Variants in CAMKMT observed in about 807,000 individuals in gnomAD.
CAMKMT encodes calmodulin-lysine N-methyltransferase, also known as CaM KMT.
A neutral mutation model predicts 48.0 loss-of-function variants in CAMKMT; 53 were observed. The ratio of observed to expected loss-of-function variants is 1.10; its 90% CI spans 0.89 to 1.39. CAMKMT has a LOEUF of 1.39. CAMKMT is among the 40% of genes most tolerant of loss of function. The pLI, the probability that CAMKMT is intolerant of heterozygous loss-of-function variation, is 0.00. For missense variants in CAMKMT, 428 were observed against 402.7 expected, an observed-to-expected ratio of 1.06 and a Z score of -0.54; for synonymous variants, 165 against 152.3, an observed-to-expected ratio of 1.08 and a Z score of -0.61.
chr2:44,465,846 A>G (rs535339124), intron 3 of CAMKMT, among the ~76,000 whole-genome samples: 70 of 152,308 alleles, frequency 4.6e-4, no homozygotes, highest in African/African-American at 1.6e-3. Flanking sequence ...ATGGAAAAAG[A>G]TACTCCATGC....
At chr2:44,445,867 G>C (rs1666966553) in intron 3 of CAMKMT, among the ~76,000 whole-genome samples, 1 of 151,774 alleles carries the variant, frequency 6.6e-6, no homozygotes, top group Admixed American at 6.6e-5. Context: ...TGCAACCAAA[G>C]TCTTGAAGTC....
chr2:44,651,392 C>T (rs1204881627), intron 3 of CAMKMT, among the ~76,000 whole-genome samples: 1 of 152,104 alleles, frequency 6.6e-6, no homozygotes, highest in Non-Finnish European at 1.5e-5. Context: ...TTTAAAGTTG[C>T]ATGTTTTTTA....
rs553701364 is a variant in CAMKMT at position 44,660,255 on chromosome 2, C to T, written c.377-44028C>T. Among the ~76,000 whole-genome samples, 12 of 152,190 alleles carry T rather than the reference C, an allele frequency of 7.9e-5. No homozygotes were observed. In the South Asian group the frequency reaches 1.7e-3, roughly 21 times the overall value. ...TTCTGCATTTAGTCTTTTGCCATAACGTATGTTATGTGGCCTCATGTGAGA... is the reference window on the plus strand; with the variant it reads ...TTCTGCATTTAGTCTTTTGCCATAATGTATGTTATGTGGCCTCATGTGAGA... On this transcript the variant is annotated intron_variant, in intron 3 of 10. Transcript: ENST00000378494.
intron 10 of CAMKMT, among the ~76,000 whole-genome samples, chr2:44,770,345 C>G (rs1681051179): frequency 6.6e-6 from 1 of 152,390 alleles, no homozygotes; most frequent in African/African-American, 2.4e-5. Context: ...CCCCTGGCCC[C>G]TTTCAGCAAC....
At chr2:44,621,976 A>G (rs1321040219) in intron 3 of CAMKMT, among the ~76,000 whole-genome samples, 3 of 152,192 alleles carry the variant, frequency 2.0e-5, no homozygotes, top group Non-Finnish European at 1.5e-5. Flanking sequence ...TTGGAGGTAA[A>G]AGGTGATGGA....
At chr2:44,381,487 A>G (rs1433158102) in intron 2 of CAMKMT, among the ~76,000 whole-genome samples, 1 of 152,240 alleles carries the variant, frequency 6.6e-6, no homozygotes, top group Non-Finnish European at 1.5e-5. Context: ...TATCTTAAGT[A>G]AACAATCAGA....
At chr2:44,446,631 C>T (rs1003092711) in intron 3 of CAMKMT, among the ~76,000 whole-genome samples, 1 of 152,224 alleles carries the variant, frequency 6.6e-6, no homozygotes, top group Non-Finnish European at 1.5e-5. Flanking sequence ...CAGGCCGCGC[C>T]ACTATGCCCA....
intron 2 of CAMKMT, among the ~76,000 whole-genome samples, chr2:44,375,467 A>G (rs564044919): frequency 1.6e-4 from 25 of 152,186 alleles, no homozygotes; most frequent in African/African-American, 5.5e-4. Flanking sequence ...TTAAATAAGG[A>G]AAGTTAACTA....
At chr2:44,414,369 C>A (rs1223913775) in intron 3 of CAMKMT, among the ~76,000 whole-genome samples, 1 of 152,180 alleles carries the variant, frequency 6.6e-6, no homozygotes, top group Non-Finnish European at 1.5e-5. Flanking sequence ...GTTAAGCTGT[C>A]AGCTGAGGTT....
chr2:44,381,252 A>G (rs1680213072), intron 2 of CAMKMT, among the ~76,000 whole-genome samples: 1 of 152,202 alleles, frequency 6.6e-6, no homozygotes. Context: ...TTTAACTTTT[A>G]AAACATGTAC....
intron 3 of CAMKMT, among the ~76,000 whole-genome samples, chr2:44,479,651 C>T (rs1187067198): frequency 6.6e-6 from 1 of 152,160 alleles, no homozygotes; most frequent in Non-Finnish European, 1.5e-5. Flanking sequence ...CCTACAGTTT[C>T]AGAGCATAAC....
intron 3 of CAMKMT, among the ~76,000 whole-genome samples, chr2:44,433,883 T>A (rs1245307686): frequency 1.3e-5 from 2 of 152,220 alleles, no homozygotes; most frequent in Non-Finnish European, 2.9e-5. Context: ...CATGCCCTTT[T>A]ACATACCAAA....
intron 3 of CAMKMT, among the ~76,000 whole-genome samples, chr2:44,690,139 G>T (rs1447691714): frequency 3.9e-5 from 6 of 152,090 alleles, no homozygotes; most frequent in South Asian, 4.2e-4. Flanking sequence ...CTTGGTAGAG[G>T]TTTAAATTTG....
chr2:44,615,524 G>C (rs144363358), intron 3 of CAMKMT, among the ~76,000 whole-genome samples: 1 of 152,246 alleles, frequency 6.6e-6, no homozygotes, highest in Non-Finnish European at 1.5e-5. Flanking sequence ...ATAATTCCCA[G>C]GTTTCTGCCT....
At chr2:44,397,695 A>G (rs1360011186) in intron 3 of CAMKMT, among the ~76,000 whole-genome samples, 11 of 151,986 alleles carry the variant, frequency 7.2e-5, no homozygotes, top group Admixed American at 7.2e-4. Context: ...GAGAAGGAAA[A>G]AGACACATTT....
chr2:44,458,211 T>A (rs1667673935), intron 3 of CAMKMT, among the ~76,000 whole-genome samples: 1 of 151,984 alleles, frequency 6.6e-6, no homozygotes, highest in Non-Finnish European at 1.5e-5. Context: ...CATGCCCGGC[T>A]AATTTTTGTA....
intron 7 of CAMKMT, 88 bp downstream of exon 7, chr2:44,715,441 A>T (rs1480523439): frequency 2.1e-6 from 2 of 940,958 alleles, no homozygotes; most frequent in South Asian, 1.5e-5. Flanking sequence ...AATAGCTAAC[A>T]TTTATTGAGC....
intron 3 of CAMKMT, among the ~76,000 whole-genome samples, chr2:44,407,640 T>A (rs945366723): frequency 6.6e-6 from 1 of 152,218 alleles, no homozygotes; most frequent in African/African-American, 2.4e-5. Flanking sequence ...TTTGGTACTA[T>A]ACAGATGTTT....
chr2:44,700,615 A>G (rs1301476145), intron 3 of CAMKMT, among the ~76,000 whole-genome samples: 1 of 152,206 alleles, frequency 6.6e-6, no homozygotes, highest in African/African-American at 2.4e-5. Context: ...CACACACAAG[A>G]TTTATTGATT....
Sources: allele counts gnomAD v4.1 joint callset (sites outside exome capture counted in the v4.1 genomes callset), GRCh38; gene constraint gnomAD v4.1.1; transcripts MANE v1.5; gene names NCBI Gene and HGNC (gene_info 2026-07-23, HGNC 2026-07-21).